NUP62CL: variants seen among roughly 807,000 people sequenced by gnomAD.
NUP62CL encodes the protein nucleoporin-62 C-terminal-like protein.
NUP62CL carries 13 observed loss-of-function variants against 15.3 expected under a neutral mutation model. The observed-to-expected ratio is 0.85, with a 90% confidence interval of 0.55 to 1.35. The LOEUF is 1.35. NUP62CL is among the 40% of genes most tolerant of loss of function. The probability of loss-of-function intolerance (pLI) is 0.00; values close to 1 mark genes in which losing one functional copy is unlikely to be tolerated. For missense variants in NUP62CL, 123 were observed against 130.6 expected, an observed-to-expected ratio of 0.94 and a Z score of 0.28; for synonymous variants, 54 against 49.2, an observed-to-expected ratio of 1.10 and a Z score of -0.41.
intron 3 of NUP62CL, among the ~76,000 whole-genome samples, chrX:107,171,176 A>G (rs990778429): frequency 8.9e-6 from 1 of 112,121 alleles, no homozygotes; most frequent in Admixed American, 9.4e-5. Flanking sequence ...AAATCTACAG[A>G]TACAGATGCT....
At chrX:107,190,673 A>G (rs753740866) in intron 2 of NUP62CL, among the ~76,000 whole-genome samples, 1 of 111,689 alleles carries the variant, frequency 9.0e-6, no homozygotes, top group Non-Finnish European at 1.9e-5. Context: ...TCCATTAGAG[A>G]GCAGAGTTCA....
At chrX:107,162,849 T>G (rs936459087) in intron 4 of NUP62CL, among the ~76,000 whole-genome samples, 1 of 111,519 alleles carries the variant, frequency 9.0e-6, no homozygotes, top group Non-Finnish European at 1.9e-5. Context: ...CATCAGGCAT[T>G]AGATTCTCAT....
chrX:107,202,393 C>T (rs1208658522), intron 1 of NUP62CL, among the ~76,000 whole-genome samples: 1 of 111,014 alleles, frequency 9.0e-6, no homozygotes, highest in African/African-American at 3.3e-5. Context: ...TAATTGGCTC[C>T]TTTATAAAAA....
chrX:107,174,239 C>A (rs903228229), intron 3 of NUP62CL, among the ~76,000 whole-genome samples: 1 of 105,116 alleles, frequency 9.5e-6, no homozygotes, highest in African/African-American at 3.5e-5. Flanking sequence ...GCAGCCTTGA[C>A]CTCCTGGGCT....
intron 2 of NUP62CL, among the ~76,000 whole-genome samples, chrX:107,184,513 A>T (rs759575685): frequency 2.7e-5 from 3 of 111,390 alleles, no homozygotes. Context: ...GAACTGGATG[A>T]TAGAATCATA....
intron 7 of NUP62CL, among the ~76,000 whole-genome samples, chrX:107,152,155 T>TATATATATATTCAG (rs1926058011): frequency 1.5e-5 from 1 of 68,725 alleles, no homozygotes; most frequent in Non-Finnish European, 2.6e-5. Context: ...TATTCAGATA[T>TATATATATATTCAG]ATATATATAT....
chrX:107,125,392 T>C (rs1602631788), intron 8 of NUP62CL, among the ~76,000 whole-genome samples: 1 of 111,164 alleles, frequency 9.0e-6, no homozygotes, highest in East Asian at 2.8e-4. Flanking sequence ...ATTTGGTTTT[T>C]TACTGTGTAG....
Position 107,129,545 on chromosome X carries a change from A to G in NUP62CL, c.*43-5213T>C, listed in dbSNP as rs1290213022. 1.8e-5 allele frequency among the ~76,000 whole-genome samples: 2 copies of G among 112,506 alleles called. 1 individual carries two copies. The highest frequency in any genetic ancestry group is 6.5e-5 in the African/African-American group (2 of 30,965). On this transcript the variant is annotated intron_variant, in intron 8 of 8. Coordinates refer to ENST00000372466, the MANE Select transcript of NUP62CL (RefSeq NM_017681.3). The stretch of plus-strand genomic sequence containing the variant: ...GTTCTCAGAACACTGGCTTAACACC[A>G]GGCTTATCTCTAGCCAGGAGCTGGA...
At chrX:107,170,664 G>A (rs950991867) in intron 3 of NUP62CL, among the ~76,000 whole-genome samples, 3 of 111,300 alleles carry the variant, frequency 2.7e-5, no homozygotes, top group Non-Finnish European at 5.7e-5. Context: ...CACCTGCCTC[G>A]GCCTCCCAAA....
intron 4 of NUP62CL, among the ~76,000 whole-genome samples, chrX:107,158,470 G>T (rs1486236788): frequency 1.0e-3 from 74 of 74,041 alleles, no homozygotes; most frequent in African/African-American, 6.3e-3. Flanking sequence ...TCAGGATTAA[G>T]AATCTCACTC....
At chrX:107,134,358 C>A (rs1457478449) in intron 8 of NUP62CL, among the ~76,000 whole-genome samples, 1 of 112,477 alleles carries the variant, frequency 8.9e-6, no homozygotes, top group Non-Finnish European at 1.9e-5. Context: ...ATAGTTTAAC[C>A]TAGCACCAGT....
intron 2 of NUP62CL, among the ~76,000 whole-genome samples, chrX:107,186,931 T>C (rs1927078909): frequency 1.8e-5 from 2 of 111,426 alleles, no homozygotes; most frequent in South Asian, 3.8e-4. Flanking sequence ...CAAGTGCCCA[T>C]GAAAGAAATA....
chrX:107,162,935 G>T (rs929899744), intron 4 of NUP62CL, among the ~76,000 whole-genome samples: 2 of 111,321 alleles, frequency 1.8e-5, no homozygotes, highest in Admixed American at 9.5e-5. Flanking sequence ...TCTAATGTCT[G>T]ATCTGACAGG....
intron 8 of NUP62CL, among the ~76,000 whole-genome samples, chrX:107,146,277 A>G (rs1446972701): frequency 7.1e-5 from 8 of 111,939 alleles, no homozygotes; most frequent in Non-Finnish European, 1.5e-4. Context: ...TGGTTTTAGC[A>G]TTCATTGATG....
chrX:107,124,674 T>G (rs1925348527), intron 8 of NUP62CL, among the ~76,000 whole-genome samples: 1 of 111,382 alleles, frequency 9.0e-6, no homozygotes, highest in Non-Finnish European at 1.9e-5. Context: ...GTATAGGTTT[T>G]GGTGGGTCTT....
chrX:107,147,617 A>G (rs1925909225), intron 8 of NUP62CL, 126 bp downstream of exon 8: 1 of 473,089 alleles, frequency 2.1e-6, no homozygotes, highest in Admixed American at 3.1e-5. Context: ...TAATACACAT[A>G]CTGTGCGTTA....
At chrX:107,192,289 GTC>G (rs1433867561) in intron 2 of NUP62CL, among the ~76,000 whole-genome samples, 2 of 112,340 alleles carry the variant, frequency 1.8e-5, no homozygotes, top group Non-Finnish European at 3.8e-5. Flanking sequence ...AATGAAGGGA[GTC>G]CACAGTACAG....
chrX:107,179,289 T>A (rs934911331), intron 2 of NUP62CL, among the ~76,000 whole-genome samples: 2 of 111,412 alleles, frequency 1.8e-5, no homozygotes, highest in African/African-American at 6.5e-5. Flanking sequence ...CTGATATTTT[T>A]AAATTTTATT....
chrX:107,169,395 T>C (rs1194279673), intron 3 of NUP62CL, among the ~76,000 whole-genome samples: 1 of 112,567 alleles, frequency 8.9e-6, no homozygotes, highest in Admixed American at 9.4e-5. Context: ...AAAGCTGCCT[T>C]AAGAATAATC....
Sources: allele counts gnomAD v4.1 joint callset (sites outside exome capture counted in the v4.1 genomes callset), GRCh38; gene constraint gnomAD v4.1.1; transcripts MANE v1.5; gene names NCBI Gene and HGNC (gene_info 2026-07-23, HGNC 2026-07-21).